Variants in GPHN observed in about 807,000 individuals in gnomAD.
GPHN encodes the protein gephyrin.
GPHN carries 17 observed loss-of-function variants against 95.5 expected under a neutral mutation model. That is an observed-to-expected ratio of 0.18 (90% CI 0.12 to 0.27). GPHN has a LOEUF of 0.27. Among genes scored for constraint, GPHN ranks in the 10% least tolerant of loss-of-function variants. GPHN has a pLI of 1.00. For missense variants in GPHN, 660 were observed against 978.1 expected (o/e 0.67, Z 4.34); for synonymous variants, 320 against 322.5 (o/e 0.99, Z 0.08).
intron 2 of GPHN, among the ~76,000 whole-genome samples, chr14:66,711,177 G>A (rs2069584781): frequency 6.6e-6 from 1 of 152,068 alleles, no homozygotes; most frequent in African/African-American, 2.4e-5. Flanking sequence ...CCTATTTGTA[G>A]TCTTAACCCT....
At chr14:67,592,402 C>T in the GPHN span, 1 of 494,444 alleles carries the variant, frequency 2.0e-6, no homozygotes, top group Non-Finnish European at 3.6e-6. Context: ...ATTGTCACTG[C>T]ACTCCAGCCT....
At position 67,140,384 on chromosome 14, in the gene GPHN, A is replaced by G. The variant is rs984678141; in HGVS notation, c.1749-2978A>G. Among the ~76,000 whole-genome samples the G allele has an allele frequency of 1.3e-4, 9 of 68,268 alleles. No homozygotes were observed. The African/African-American group carries it at 2.0e-3, about 15-fold the overall frequency. The allele number at this position is 68,268 out of a possible 152,430, so 44.8% of individuals were successfully genotyped here. On this transcript the variant is annotated intron_variant, in intron 17 of 22. Coordinates refer to ENST00000478722, the MANE Select transcript of GPHN (RefSeq NM_020806.5). ...GGGCAACAAGAGCAAGACTCCATCT[A>G]AAAAAAAAAAAAAAAAGTACGATAA... is the stretch of plus-strand genomic sequence containing the variant.
intron 1 of GPHN, among the ~76,000 whole-genome samples, chr14:66,603,167 CTA>C (rs1475207436): frequency 6.6e-6 from 1 of 151,734 alleles, no homozygotes; most frequent in African/African-American, 2.4e-5. Context: ...TGGATAAAAA[CTA>C]AAACAGTAGG....
At chr14:67,097,745 G>A (rs2077472736) in intron 12 of GPHN, among the ~76,000 whole-genome samples, 1 of 151,754 alleles carries the variant, frequency 6.6e-6, no homozygotes, top group South Asian at 2.1e-4. Flanking sequence ...ATTCATTAAT[G>A]TGATTATTTG....
At chr14:67,528,633 A>G in the GPHN span, among the ~76,000 whole-genome samples, 1 of 152,120 alleles carries the variant, frequency 6.6e-6, no homozygotes, top group East Asian at 1.9e-4. Flanking sequence ...CCAGCTCCCA[A>G]CTCAGGTGCT....
At chr14:66,800,896 T>A (rs1436990349) in intron 3 of GPHN, among the ~76,000 whole-genome samples, 1 of 152,146 alleles carries the variant, frequency 6.6e-6, no homozygotes, top group Non-Finnish European at 1.5e-5. Context: ...TTTTCTTTTG[T>A]CTCCTCTGTG....
intron 1 of GPHN, among the ~76,000 whole-genome samples, chr14:66,623,342 G>A (rs938354198): frequency 6.6e-6 from 1 of 152,130 alleles, no homozygotes; most frequent in Admixed American, 6.5e-5. Flanking sequence ...TTACAATTGA[G>A]GATGAGATTT....
At chr14:67,215,405 TG>T in the GPHN span, among the ~76,000 whole-genome samples, 3 of 149,410 alleles carry the variant, frequency 2.0e-5, no homozygotes, top group African/African-American at 7.4e-5. Context: ...ACTGATCTAT[TG>T]TTTTTTTTTT....
the GPHN span, among the ~76,000 whole-genome samples, chr14:67,201,904 T>C: frequency 6.6e-6 from 1 of 152,192 alleles, no homozygotes; most frequent in Non-Finnish European, 1.5e-5. Context: ...TTCTACCAAG[T>C]GGCAGAGATT....
intron 2 of GPHN, among the ~76,000 whole-genome samples, chr14:66,709,950 T>G (rs184057577): frequency 1.3e-5 from 2 of 149,198 alleles, no homozygotes; most frequent in Admixed American, 1.3e-4. Flanking sequence ...AGAATAGAAG[T>G]TGTTTGTGAA....
chr14:66,918,134 A>C (rs1157977376), intron 6 of GPHN, among the ~76,000 whole-genome samples: 2 of 152,236 alleles, frequency 1.3e-5, no homozygotes, highest in African/African-American at 4.8e-5. Context: ...GCAAGGAAAG[A>C]ATACGGATTA....
At chr14:67,148,335 A>C (rs540761558) in intron 18 of GPHN, among the ~76,000 whole-genome samples, 1 of 152,144 alleles carries the variant, frequency 6.6e-6, no homozygotes, top group African/African-American at 2.4e-5. Context: ...AAACTCACTA[A>C]AATTTTAATA....
the GPHN span, among the ~76,000 whole-genome samples, chr14:67,251,599 C>T: frequency 6.6e-6 from 1 of 152,108 alleles, no homozygotes; most frequent in Non-Finnish European, 1.5e-5. Flanking sequence ...AAATAAGCTC[C>T]TTAAGGGTAG....
At chr14:67,644,993 G>A in the GPHN span, among the ~76,000 whole-genome samples, 8 of 135,022 alleles carry the variant, frequency 5.9e-5, no homozygotes, top group South Asian at 1.6e-3. Context: ...GCGAGACTCC[G>A]TCTTAAAAAA....
intron 8 of GPHN, among the ~76,000 whole-genome samples, chr14:66,932,935 A>T (rs1476312285): frequency 6.6e-6 from 1 of 152,188 alleles, no homozygotes; most frequent in Non-Finnish European, 1.5e-5. Context: ...TAAGTTAATT[A>T]TTAGGGTTTA....
chr14:66,798,606 A>G (rs923985995), intron 3 of GPHN, among the ~76,000 whole-genome samples: 1 of 151,812 alleles, frequency 6.6e-6, no homozygotes, highest in African/African-American at 2.4e-5. Context: ...TACAGTTGCT[A>G]ATAGTAGCCA....
intron 4 of GPHN, among the ~76,000 whole-genome samples, chr14:66,872,693 C>G (rs1037159447): frequency 5.9e-5 from 9 of 151,850 alleles, no homozygotes; most frequent in African/African-American, 2.2e-4. Context: ...GTCAGGAGTT[C>G]GAGACCAGCT....
intron 12 of GPHN, among the ~76,000 whole-genome samples, chr14:67,090,230 C>CTTGGTT (rs1555487967): frequency 2.0e-5 from 3 of 151,878 alleles, no homozygotes; most frequent in Non-Finnish European, 4.4e-5. Flanking sequence ...GAGTCTCTTA[C>CTTGGTT]TTGGTTTTGG....
the GPHN span, among the ~76,000 whole-genome samples, chr14:67,365,382 A>G: frequency 6.6e-6 from 1 of 152,238 alleles, no homozygotes; most frequent in African/African-American, 2.4e-5. Context: ...CTAAAATAGT[A>G]ATGAGATCAC....
Sources: gnomAD v4.1 joint callset for allele counts (sites outside exome capture counted in the v4.1 genomes callset) on GRCh38, gnomAD v4.1.1 for gene constraint, MANE v1.5 for transcripts, NCBI Gene and HGNC (gene_info 2026-07-23, HGNC 2026-07-21) for gene names.